SH3GL2: variants seen among roughly 807,000 people sequenced by gnomAD.
SH3GL2 encodes SH3 domain containing GRB2 like 2, endophilin A1, also known as endophilin-A1.
A neutral mutation model predicts 46.0 loss-of-function variants in SH3GL2; 24 were observed. The observed-to-expected ratio is 0.52, with a 90% CI of 0.38 to 0.73. The LOEUF is 0.73. SH3GL2 is among the 30% of genes least tolerant of loss of function. The pLI is 0.00. For synonymous variants in SH3GL2, 196 were observed against 147.1 expected (o/e 1.33, Z -2.40); for missense variants, 413 against 424.2 (o/e 0.97, Z 0.23).
At chr9:17,591,822 G>A (rs141523345) in intron 1 of SH3GL2, among the ~76,000 whole-genome samples, 2 of 152,318 alleles carry the variant, frequency 1.3e-5, no homozygotes, top group African/African-American at 2.4e-5. Context: ...TGATTCAGGT[G>A]AACGTAGGCA....
chr9:17,616,911 C>T (rs1342761598), intron 1 of SH3GL2, among the ~76,000 whole-genome samples: 2 of 152,242 alleles, frequency 1.3e-5, no homozygotes, highest in East Asian at 3.9e-4. Flanking sequence ...TGTCTGAATT[C>T]TACTCCTTCC....
intron 2 of SH3GL2, among the ~76,000 whole-genome samples, chr9:17,748,973 G>C (rs1822769384): frequency 1.3e-5 from 2 of 152,228 alleles, no homozygotes; most frequent in Admixed American, 1.3e-4. Context: ...TGTGAAATCA[G>C]ACTGCATAGT....
intron 1 of SH3GL2, among the ~76,000 whole-genome samples, chr9:17,635,160 C>A (rs767092920): frequency 1.3e-5 from 2 of 152,062 alleles, no homozygotes; most frequent in African/African-American, 2.4e-5. Flanking sequence ...TCCTATAGGC[C>A]CCAGTGCATG....
At position 17,795,809 on chromosome 9, in the gene SH3GL2, A is replaced by C; in HGVS notation, c.*66A>C. Reference sequence around the variant, plus strand: ...GTTACGGTTAACCACTGCTTTGGCAATGCTGCTTATAACACATCCCAAGTG... The same window carrying C: ...GTTACGGTTAACCACTGCTTTGGCACTGCTGCTTATAACACATCCCAAGTG... On this transcript the variant is annotated 3_prime_UTR_variant, in exon 9 of 9. Coordinates refer to ENST00000380607, the MANE Select transcript of SH3GL2 (RefSeq NM_003026.5). 2.3e-6 allele frequency: 3 copies of C among 1,316,322 alleles called. No homozygotes were observed. 81.5% of individuals were successfully genotyped at this position (1,316,322 alleles called of 1,614,324 possible).
intron 3 of SH3GL2, among the ~76,000 whole-genome samples, chr9:17,773,186 G>A (rs111790155): frequency 6.6e-6 from 1 of 152,000 alleles, no homozygotes; most frequent in African/African-American, 2.4e-5. Context: ...CAGTTGTTTG[G>A]GTTTTTTGTT....
At chr9:17,772,967 C>T (rs569173495) in intron 3 of SH3GL2, among the ~76,000 whole-genome samples, 1 of 152,238 alleles carries the variant, frequency 6.6e-6, no homozygotes, top group Non-Finnish European at 1.5e-5. Flanking sequence ...CACAAGGGTT[C>T]GAGTTACTCT....
chr9:17,628,026 C>A (rs1390612167), intron 1 of SH3GL2, among the ~76,000 whole-genome samples: 2 of 152,258 alleles, frequency 1.3e-5, no homozygotes, highest in East Asian at 3.9e-4. Context: ...GCTCTAAGTT[C>A]TTTTGGGTCA....
In SH3GL2 at chr9:17,677,353, C is replaced by T. The variant is rs143477522; in HGVS notation, c.46-69713C>T. On this transcript the variant is annotated intron_variant, in intron 1 of 8. Coordinates refer to ENST00000380607, the MANE Select transcript of SH3GL2 (RefSeq NM_003026.5). ...ACAATTTTCCTGGTGATACGGTACT[C>T]TCACATTGTGAAGGGATGGCTCAAT... Among the ~76,000 whole-genome samples the T allele has an allele frequency of 4.0e-3, 603 of 152,190 alleles. 8 individuals are homozygous for T. The highest frequency in any genetic ancestry group is 0.028 in the East Asian group (143 of 5,178).
chr9:17,679,271 A>T (rs1215031562), intron 1 of SH3GL2, among the ~76,000 whole-genome samples: 1 of 152,158 alleles, frequency 6.6e-6, no homozygotes, highest in South Asian at 2.1e-4. Flanking sequence ...TGAGCATGGA[A>T]TGTTCTTCCA....
intron 3 of SH3GL2, among the ~76,000 whole-genome samples, chr9:17,772,476 A>G (rs959824791): frequency 6.6e-6 from 1 of 152,102 alleles, no homozygotes; most frequent in Non-Finnish European, 1.5e-5. Context: ...GTAAAACTCT[A>G]TCCCCATTAA....
chr9:17,700,379 G>T (rs748128518), intron 1 of SH3GL2, among the ~76,000 whole-genome samples: 5 of 152,114 alleles, frequency 3.3e-5, no homozygotes, highest in African/African-American at 7.2e-5. Context: ...TAAATTCAGG[G>T]TCTTCAAGCT....
chr9:17,729,916 T>C lies in SH3GL2; in HGVS notation c.46-17150T>C, dbSNP rs1482241151. Among the ~76,000 whole-genome samples the C allele has an allele frequency of 3.9e-5, 6 of 152,272 alleles. No individual in the cohort carries two copies. In the South Asian group the frequency reaches 1.0e-3, roughly 26 times the overall value. Reference sequence around the variant, plus strand: ...CATGATGCCTCCAGCTTTGTTGTTTTTGCTTAGGATTGTCTTGGCTATACG... The same window carrying C: ...CATGATGCCTCCAGCTTTGTTGTTTCTGCTTAGGATTGTCTTGGCTATACG... On this transcript the variant is annotated intron_variant, in intron 1 of 8. Coordinates refer to ENST00000380607, the MANE Select transcript of SH3GL2 (RefSeq NM_003026.5).
At chr9:17,625,921 A>C (rs895435083) in intron 1 of SH3GL2, among the ~76,000 whole-genome samples, 20 of 152,206 alleles carry the variant, frequency 1.3e-4, no homozygotes, top group Admixed American at 7.9e-4. Context: ...CCTCAAGGCA[A>C]TTAGAGAAAA....
chr9:17,715,551 G>T (rs751609057), intron 1 of SH3GL2, among the ~76,000 whole-genome samples: 1 of 151,078 alleles, frequency 6.6e-6, no homozygotes, highest in Non-Finnish European at 1.5e-5. Flanking sequence ...TGATTTTATT[G>T]CTAGGCTTTA....
chr9:17,709,769 T>C (rs1379494598), intron 1 of SH3GL2, among the ~76,000 whole-genome samples: 2 of 151,836 alleles, frequency 1.3e-5, no homozygotes, highest in Non-Finnish European at 2.9e-5. Flanking sequence ...AATATGGCAA[T>C]ATTTTAATAT....
intron 1 of SH3GL2, among the ~76,000 whole-genome samples, chr9:17,713,921 A>G (rs1263727326): frequency 6.6e-6 from 1 of 151,686 alleles, no homozygotes; most frequent in East Asian, 1.9e-4. Flanking sequence ...GTTCTAGTCT[A>G]CTATGTATCT....
At position 17,795,652 on chromosome 9, in the gene SH3GL2, T is replaced by G; in HGVS notation, c.968T>G (p.Ile323Ser). ...GATATCATCACACTCACTAACCAAA[T>G]TGATGAGAACTGGTATGAGGGGATG... Reference protein sequence around the residue: ...EGDIITLTNQIDENWYEGMLH... With the variant: ...EGDIITLTNQSDENWYEGMLH... Residue 323 changes from isoleucine to serine, a missense_variant, in exon 9 of 9, where the codon ATT becomes AGT. By Grantham distance (142) the Ile-to-Ser change is moderately radical. Transcript: ENST00000380607. The G allele has an allele frequency of 1.9e-6, 3 of 1,613,996 alleles. No homozygotes were observed. The highest frequency in any genetic ancestry group is 2.5e-6 in the Non-Finnish European group (3 of 1,179,918).
intron 5 of SH3GL2, among the ~76,000 whole-genome samples, chr9:17,788,569 A>G (rs1025716989): frequency 2.6e-5 from 4 of 152,124 alleles, no homozygotes; most frequent in African/African-American, 9.7e-5. Context: ...GGGAAAAACA[A>G]TACTTTTTAG....
chr9:17,724,906 G>C (rs1474981265), intron 1 of SH3GL2, among the ~76,000 whole-genome samples: 1 of 151,172 alleles, frequency 6.6e-6, no homozygotes, highest in African/African-American at 2.4e-5. Flanking sequence ...GCTTAAGCTG[G>C]CTTAGCCAGT....
Sources: gnomAD v4.1 joint callset for allele counts (sites outside exome capture counted in the v4.1 genomes callset) on GRCh38, gnomAD v4.1.1 for gene constraint, MANE v1.5 for transcripts, NCBI Gene and HGNC (gene_info 2026-07-23, HGNC 2026-07-21) for gene names.